FBN1: variants seen among roughly 807,000 people sequenced by gnomAD.
FBN1 encodes fibrillin-1.
A neutral mutation model predicts 365.1 loss-of-function variants in FBN1; 29 were observed. The observed-to-expected ratio is 0.08, with a 90% CI of 0.06 to 0.11. FBN1 has a LOEUF of 0.11. FBN1 is among the 10% of genes least tolerant of loss of function. The probability of loss-of-function intolerance (pLI) is 1.00; values close to 1 mark genes in which losing one functional copy is unlikely to be tolerated. For synonymous variants in FBN1, 1,210 were observed against 1,270.5 expected (o/e 0.95, Z 1.01); for missense variants, 2,476 against 3,703.2 (o/e 0.67, Z 8.60).
intron 6 of FBN1, among the ~76,000 whole-genome samples, chr15:48,570,033 T>G (rs2044294764): frequency 6.6e-6 from 1 of 152,156 alleles, no homozygotes; most frequent in Non-Finnish European, 1.5e-5. Flanking sequence ...CCTAAAAAGA[T>G]GCACACGTTG....
chr15:48,504,910 T>C, intron 16 of FBN1, 115 bp downstream of exon 16: 1 of 1,399,254 alleles, frequency 7.1e-7, no homozygotes, highest in Admixed American at 1.7e-5. Flanking sequence ...TTTGTTGCTC[T>C]GCAAATATTC....
At chr15:48,446,235 C>A (rs1261573451) in intron 47 of FBN1, among the ~76,000 whole-genome samples, 1 of 151,926 alleles carries the variant, frequency 6.6e-6, no homozygotes, top group Admixed American at 6.6e-5. Context: ...TTCAGTTATC[C>A]AAGGTCAGCT....
rs113668135 is a variant in FBN1 at position 48,453,313 on chromosome 15, A to C, written c.5423-629T>G. Among the ~76,000 whole-genome samples the C allele has an allele frequency of 7.0e-3, 966 of 138,708 alleles. 11 individuals carry two copies. Among genetic ancestry groups the C allele is most frequent in the African/African-American group, 0.024 (885 of 36,326 alleles). The allele number at this position is 138,708 out of a possible 152,430, so 91.0% of individuals were successfully genotyped here. A position where few individuals can be genotyped will look rare whatever the true frequency, so the allele number is the denominator to read the frequency against. On this transcript the variant is annotated intron_variant, in intron 44 of 65. Coordinates refer to ENST00000316623, the MANE Select transcript of FBN1 (RefSeq NM_000138.5). ...AACAAACAAAAAAAAAACACACACAAAAAAAAAGGAAAAAAAAAGGAAAAA... is the reference window on the plus strand; with the variant it reads ...AACAAACAAAAAAAAAACACACACACAAAAAAAGGAAAAAAAAAGGAAAAA...
chr15:48,501,416 GC>G (rs1385165468), intron 17 of FBN1, among the ~76,000 whole-genome samples: 1 of 152,114 alleles, frequency 6.6e-6, no homozygotes, highest in Non-Finnish European at 1.5e-5. Context: ...TGGCAAGAAG[GC>G]CCCCCACAGA....
intron 16 of FBN1, 83 bp downstream of exon 16, chr15:48,504,942 T>C: frequency 6.4e-7 from 1 of 1,555,444 alleles, no homozygotes; most frequent in South Asian, 1.1e-5. Context: ...TCTGCTACAG[T>C]AGAGAGCGTT....
chr15:48,529,205 A>G (rs1407932412), intron 8 of FBN1: 1 of 152,192 alleles, frequency 6.6e-6, no homozygotes, highest in Non-Finnish European at 1.5e-5. Context: ...TGCTCTGGAC[A>G]TTTCTCCCTG....
At chr15:48,423,047 T>C (rs2042955082) in intron 60 of FBN1, among the ~76,000 whole-genome samples, 1 of 152,254 alleles carries the variant, frequency 6.6e-6, no homozygotes, top group Admixed American at 6.5e-5. Context: ...ACCCTCTGCT[T>C]TGACCAGGCC....
chr15:48,507,310 T>C (rs1034359388), intron 15 of FBN1, among the ~76,000 whole-genome samples: 1 of 152,190 alleles, frequency 6.6e-6, no homozygotes, highest in Non-Finnish European at 1.5e-5. Flanking sequence ...TCTTTTTTAC[T>C]TGTACAGTGC....
Position 48,644,930 on chromosome 15 carries a change from A to C in FBN1, c.-161T>G. 1 of 586,264 alleles carries C rather than the reference A, an allele frequency of 1.7e-6. No homozygotes were observed. The highest frequency in any genetic ancestry group is 2.5e-6 in the Non-Finnish European group (1 of 404,248). The allele number at this position is 586,264 out of a possible 1,614,324, so 36.3% of individuals were successfully genotyped here. On this transcript the variant is annotated 5_prime_UTR_variant, in exon 2 of 66. Coordinates refer to ENST00000316623, the MANE Select transcript of FBN1 (RefSeq NM_000138.5). ...CCCGCCTTCTCCAGGCGCTGCTCCC[A>C]CTTCAGGCGGCCCCTGCCAGCTGCA...
chr15:48,644,379 C>T, intron 2 of FBN1: 2 of 646,552 alleles, frequency 3.1e-6, no homozygotes, highest in East Asian at 5.3e-5. Flanking sequence ...CAACAATGGC[C>T]CAAGATTCCA....
intron 8 of FBN1, among the ~76,000 whole-genome samples, chr15:48,530,701 C>G (rs977425883): frequency 6.6e-6 from 1 of 152,080 alleles, no homozygotes; most frequent in Non-Finnish European, 1.5e-5. Flanking sequence ...TCCTTAGCTC[C>G]TGAGAGGATA....
In FBN1 at chr15:48,425,357, A is replaced by G; in HGVS notation, c.7453+12T>C. 1 of 1,614,146 alleles carries G rather than the reference A, an allele frequency of 6.2e-7. No homozygotes were observed. Reference sequence around the variant, plus strand: ...GGAGCTAGGTGAGGGGCAATGGTCAATTCTACTTTACCTTTGCAGCTCCTT... The same window carrying G: ...GGAGCTAGGTGAGGGGCAATGGTCAGTTCTACTTTACCTTTGCAGCTCCTT... On this transcript the variant is annotated intron_variant, in intron 60 of 65. Transcript: ENST00000316623.
At chr15:48,541,442 G>C (rs2044057044) in intron 6 of FBN1, among the ~76,000 whole-genome samples, 1 of 152,182 alleles carries the variant, frequency 6.6e-6, no homozygotes, top group Non-Finnish European at 1.5e-5. Flanking sequence ...AACAAAAATT[G>C]CTGATTGTAG....
Position 48,463,299 on chromosome 15 carries a change from A to G in FBN1, c.5066-59T>C, listed in dbSNP as rs1480457078. On this transcript the variant is annotated intron_variant, in intron 41 of 65. Coordinates refer to ENST00000316623, the MANE Select transcript of FBN1 (RefSeq NM_000138.5). Reference sequence around the variant, plus strand: ...TGGTGATGCCATGTGGGAAATCACAACAAATTTCTAAGTGGATACTCAACA... The same window carrying G: ...TGGTGATGCCATGTGGGAAATCACAGCAAATTTCTAAGTGGATACTCAACA... 15 of 1,511,466 alleles carry G rather than the reference A, an allele frequency of 9.9e-6. No homozygotes were observed. In the East Asian group the frequency reaches 1.4e-4, roughly 14 times the overall value. 93.6% of individuals were successfully genotyped at this position (1,511,466 alleles called of 1,614,324 possible). A position where few individuals can be genotyped will look rare whatever the true frequency, so the allele number is the denominator to read the frequency against.
At chr15:48,593,244 T>A (rs180970583) in intron 6 of FBN1, among the ~76,000 whole-genome samples, 15 of 152,316 alleles carry the variant, frequency 9.8e-5, no homozygotes, top group Admixed American at 9.2e-4. Flanking sequence ...TTCACACTCA[T>A]AGTGGGTCTC....
chr15:48,644,761 T>C lies in FBN1; in HGVS notation c.9A>G (p.Arg3=). The change falls in exon 2 of 66, where the codon CGA becomes CGG. Residue 3 remains arginine (R), a synonymous_variant. Transcript: ENST00000316623. MR[R]GRLLEIALGF... is the part of the protein sequence containing the mutation. ...CCAGGGCGATCTCCAGCAGACGCCCTCGACGCATGATGCCGAGCCGCCACC... is the reference window on the plus strand; with the variant it reads ...CCAGGGCGATCTCCAGCAGACGCCCCCGACGCATGATGCCGAGCCGCCACC... 2 of 1,610,706 alleles carry C rather than the reference T, an allele frequency of 1.2e-6. No individual in the cohort carries two copies. Among genetic ancestry groups the C allele is most frequent in the Non-Finnish European group, 8.5e-7 (1 of 1,179,854 alleles).
At chr15:48,587,120 A>C (rs1442092599) in intron 6 of FBN1, among the ~76,000 whole-genome samples, 1 of 152,194 alleles carries the variant, frequency 6.6e-6, no homozygotes, top group Non-Finnish European at 1.5e-5. Flanking sequence ...TGTTCTACAA[A>C]AAGTACTTTG....
chr15:48,632,510 G>A (rs1174791309), intron 2 of FBN1, among the ~76,000 whole-genome samples: 2 of 152,200 alleles, frequency 1.3e-5, no homozygotes, highest in Non-Finnish European at 2.9e-5. Context: ...CTGAGGCCCA[G>A]AGAGGTCAAA....
intron 10 of FBN1, among the ~76,000 whole-genome samples, chr15:48,518,670 C>G (rs2043825475): frequency 6.6e-6 from 1 of 152,184 alleles, no homozygotes; most frequent in Non-Finnish European, 1.5e-5. Context: ...CATTCAGGAT[C>G]AGCAACGTGG....
Sources: gnomAD v4.1 joint callset for allele counts (sites outside exome capture counted in the v4.1 genomes callset) on GRCh38, gnomAD v4.1.1 for gene constraint, MANE v1.5 for transcripts, NCBI Gene and HGNC (gene_info 2026-07-23, HGNC 2026-07-21) for gene names.